DNASE1L3: variants seen among roughly 807,000 people sequenced by gnomAD.
DNASE1L3 encodes the protein deoxyribonuclease gamma.
DNASE1L3 carries 27 observed loss-of-function variants against 30.9 expected under a neutral mutation model. The observed-to-expected ratio is 0.87, with a 90% CI of 0.64 to 1.20. The LOEUF (loss-of-function observed/expected upper bound fraction) is 1.20. Among genes scored for constraint, DNASE1L3 ranks in the 50% most tolerant of loss-of-function variants. DNASE1L3 has a pLI of 0.00. For missense variants in DNASE1L3, 364 were observed against 378.2 expected, an observed-to-expected ratio of 0.96 and a Z score of 0.31; for synonymous variants, 135 against 138.0, an observed-to-expected ratio of 0.98 and a Z score of 0.15.
intron 2 of DNASE1L3, chr3:58,207,690 C>T (rs2097405039): frequency 6.6e-6 from 1 of 152,226 alleles, no homozygotes; most frequent in African/African-American, 2.4e-5. Flanking sequence ...GAGATAGGGT[C>T]TTGCTCTGTG....
At chr3:58,206,144 G>C (rs1369278180) in intron 2 of DNASE1L3, among the ~76,000 whole-genome samples, 1 of 152,184 alleles carries the variant, frequency 6.6e-6, no homozygotes, top group Admixed American at 6.5e-5. Flanking sequence ...TGGGGATACA[G>C]CCATGAAGTC....
chr3:58,209,371 G>A (rs1350643320), intron 1 of DNASE1L3, among the ~76,000 whole-genome samples: 1 of 152,210 alleles, frequency 6.6e-6, no homozygotes, highest in Non-Finnish European at 1.5e-5. Context: ...AAGGAGATGG[G>A]AACTCAGTGG....
Position 58,197,946 on chromosome 3 carries a change from G to A in DNASE1L3, c.579C>T (p.Gly193=), listed in dbSNP as rs749071264. 22 of 1,613,734 alleles carry A rather than the reference G, an allele frequency of 1.4e-5. No homozygotes were observed. In the South Asian group the frequency reaches 2.3e-4, roughly 17 times the overall value. ...AGGCCTTCTTGGGGACGTAGCTGCA[G>A]CCGGCATTGAAGTCACCCATGAAAA... is the stretch of plus-strand genomic sequence containing the variant. ...NFIFMGDFNA[G]CSYVPKKAWK... is the part of the protein sequence containing the mutation. The change falls in exon 6 of 8, where the codon GGC becomes GGT. Residue 193 remains glycine, a synonymous_variant. Transcript: ENST00000394549. The surrounding 1 kb of genome is among the most constrained non-coding windows in gnomAD (Gnocchi z 5.3).
chr3:58,192,801 G>A lies in DNASE1L3; in HGVS notation c.804C>T (p.Ala268=), dbSNP rs766060143. The A allele has an allele frequency of 1.2e-6, 2 of 1,612,474 alleles. No homozygotes were observed. The highest frequency in any genetic ancestry group is 2.2e-5 in the South Asian group (2 of 90,468). ...QKAYKLTEEE[A]LDVSDHFPVE... is the part of the protein sequence containing the mutation. ...CTGGAAAGTGGTCGCTGACATCCAGGGCCTATAAGGAGAAAGGGGAGGTAG... is the reference window on the plus strand; with the variant it reads ...CTGGAAAGTGGTCGCTGACATCCAGAGCCTATAAGGAGAAAGGGGAGGTAG... The change falls in exon 8 of 8, where the codon GCC becomes GCT. Residue 268 remains alanine, a splice_region_variant and synonymous_variant. Transcript: ENST00000394549. This position sits in a 1 kb window ranked among gnomAD's most constrained non-coding sequence, Gnocchi z 4.8.
chr3:58,201,967 T>G (rs1384602089), intron 4 of DNASE1L3, among the ~76,000 whole-genome samples: 1 of 152,242 alleles, frequency 6.6e-6, no homozygotes, highest in African/African-American at 2.4e-5. Flanking sequence ...AACATTTTAC[T>G]TATAACAACT....
rs1427585484 is a variant in DNASE1L3 at position 58,197,794 on chromosome 3, C to T, written c.704+27G>A. On this transcript the variant is annotated intron_variant, in intron 6 of 7. Coordinates refer to ENST00000394549, the MANE Select transcript of DNASE1L3 (RefSeq NM_004944.4). This position sits in a 1 kb window ranked among gnomAD's most constrained non-coding sequence, Gnocchi z 5.3. ...AGTGCACACCAAGCACTGTGGTGAG[C>T]CAGCAGCACCCTGCAGGGCCTCCTA... 3 of 1,612,604 alleles carry T rather than the reference C, an allele frequency of 1.9e-6. No individual in the cohort carries two copies. The highest frequency in any genetic ancestry group is 1.1e-5 in the South Asian group (1 of 91,006).
chr3:58,198,173 C>T (rs1267550330), intron 5 of DNASE1L3, among the ~76,000 whole-genome samples, 195 bp from the exon 6 acceptor site: 1 of 152,034 alleles, frequency 6.6e-6, no homozygotes, highest in Admixed American at 6.6e-5. Context: ...CCTTAGAATG[C>T]GACTGTATTT....
intron 1 of DNASE1L3, among the ~76,000 whole-genome samples, chr3:58,208,784 C>T (rs949250624): frequency 7.2e-5 from 11 of 152,148 alleles, no homozygotes; most frequent in Non-Finnish European, 7.3e-5. Context: ...CTTACAACAA[C>T]CCTGTGGGGT....
At chr3:58,209,232 G>A (rs1462277744) in intron 1 of DNASE1L3, among the ~76,000 whole-genome samples, 6 of 152,194 alleles carry the variant, frequency 3.9e-5, no homozygotes. Context: ...GATGGGGAGG[G>A]TGAGGCAGCC....
At chr3:58,201,255 G>A (rs966027905) in intron 4 of DNASE1L3, 146 bp from the exon 5 acceptor site, 7 of 491,280 alleles carry the variant, frequency 1.4e-5, no homozygotes, top group East Asian at 6.5e-5. Context: ...GCCAGTGGCC[G>A]AGATTTTAAT....
intron 2 of DNASE1L3, among the ~76,000 whole-genome samples, chr3:58,205,841 T>G (rs2097403563): frequency 6.6e-6 from 1 of 152,186 alleles, no homozygotes; most frequent in African/African-American, 2.4e-5. Context: ...TGAACCTAGA[T>G]CCAACTCACC....
At chr3:58,210,017 G>A (rs948219426) in intron 1 of DNASE1L3, among the ~76,000 whole-genome samples, 2 of 152,050 alleles carry the variant, frequency 1.3e-5, no homozygotes, top group African/African-American at 2.4e-5. Context: ...GAAAGCGTAA[G>A]CGAAAGTGGA....
At chr3:58,208,398 C>T (rs929319463) in intron 1 of DNASE1L3, 92 bp from the exon 2 acceptor site, 3 of 1,301,138 alleles carry the variant, frequency 2.3e-6, no homozygotes, top group African/African-American at 2.9e-5. Flanking sequence ...AAGTATTGCA[C>T]TGAGTGCTTA....
chr3:58,201,259 T>C, intron 4 of DNASE1L3, 150 bp from the exon 5 acceptor site: 1 of 485,212 alleles, frequency 2.1e-6, no homozygotes, highest in Non-Finnish European at 3.6e-6. Context: ...GTGGCCGAGA[T>C]TTTAATGATC....
At chr3:58,205,371 G>C in intron 3 of DNASE1L3, 100 bp downstream of exon 3, 1 of 1,030,946 alleles carries the variant, frequency 9.7e-7, no homozygotes, top group Non-Finnish European at 1.5e-6. Flanking sequence ...ACTGAGAATT[G>C]GTTAGAAATC....
At chr3:58,204,514 C>T (rs1295216421) in intron 4 of DNASE1L3, among the ~76,000 whole-genome samples, 41 of 152,160 alleles carry the variant, frequency 2.7e-4, no homozygotes, top group Non-Finnish European at 5.9e-5. Context: ...TTCCATGAGC[C>T]TAAACTCTCC....
rs111935293 is a variant in DNASE1L3 at position 58,197,732 on chromosome 3, C to T, written c.704+89G>A. 2.6e-4 allele frequency: 414 copies of T among 1,581,900 alleles called. 1 individual carries two copies. Among genetic ancestry groups the T allele is most frequent in the African/African-American group, 2.4e-3 (176 of 74,390 alleles). ...CCTCCCAAAGTGCTAGGACTACTGG[C>T]GTGAGCCACAGTGCCCAGCCACCTT... On this transcript the variant is annotated intron_variant, in intron 6 of 7. Transcript: ENST00000394549. This position sits in a 1 kb window ranked among gnomAD's most constrained non-coding sequence, Gnocchi z 5.3.
rs1195130691 is a variant in DNASE1L3 at position 58,197,159 on chromosome 3, T to C, written c.704+662A>G. On this transcript the variant is annotated intron_variant, in intron 6 of 7. Coordinates refer to ENST00000394549, the MANE Select transcript of DNASE1L3 (RefSeq NM_004944.4). The surrounding 1 kb of genome is among the most constrained non-coding windows in gnomAD (Gnocchi z 5.3). Reference sequence around the variant, plus strand: ...GCTAGCAGCCTGACATGTTATTTCATTTACTCCACATCGGATCTTCATGAG... The same window carrying C: ...GCTAGCAGCCTGACATGTTATTTCACTTACTCCACATCGGATCTTCATGAG... Among the ~76,000 whole-genome samples the C allele has an allele frequency of 6.6e-6, 1 of 152,206 alleles. No individual in the cohort carries two copies. Among genetic ancestry groups the C allele is most frequent in the Non-Finnish European group, 1.5e-5 (1 of 68,030 alleles).
At chr3:58,205,720 T>C (rs1210856513) in intron 2 of DNASE1L3, among the ~76,000 whole-genome samples, 160 bp from the exon 3 acceptor site, 1 of 152,280 alleles carries the variant, frequency 6.6e-6, no homozygotes, top group Non-Finnish European at 1.5e-5. Context: ...CCACCATTGA[T>C]TGGCTGGAAT....
Sources: gnomAD v4.1 joint callset for allele counts (sites outside exome capture counted in the v4.1 genomes callset) on GRCh38, gnomAD v4.1.1 for gene constraint, Gnocchi (gnomAD v3.1) non-coding constraint, MANE v1.5 for transcripts, NCBI Gene and HGNC (gene_info 2026-07-23, HGNC 2026-07-21) for gene names.